Variants in REXO1 observed in about 807,000 individuals in gnomAD.
REXO1 encodes RNA exonuclease 1 homolog.
REXO1 carries 42 observed loss-of-function variants against 102.6 expected under a neutral mutation model. The ratio of observed to expected loss-of-function variants is 0.41; its 90% CI spans 0.32 to 0.53. The LOEUF (loss-of-function observed/expected upper bound fraction) is 0.53. Ranked by LOEUF, REXO1 falls within the 20% of genes least tolerant of loss-of-function variation. REXO1 has a pLI of 0.27. For synonymous variants in REXO1, 908 were observed against 779.1 expected (o/e 1.17, Z -2.76); for missense variants, 1,819 against 1,732.5 (o/e 1.05, Z -0.89).
At chr19:1,847,311 G>T (rs1014588858) in intron 1 of REXO1, among the ~76,000 whole-genome samples, 2 of 152,212 alleles carry the variant, frequency 1.3e-5, no homozygotes, top group African/African-American at 2.4e-5. Context: ...TGCAGGAAAA[G>T]GTTCTGAGCT....
intron 5 of REXO1, 113 bp from the exon 6 acceptor site, chr19:1,820,508 G>C: frequency 8.0e-7 from 1 of 1,254,026 alleles, no homozygotes; most frequent in Admixed American, 2.2e-5. Flanking sequence ...AGGTGCGCTG[G>C]GACAGATCAG....
Position 1,818,734 on chromosome 19 carries a change from G to C in REXO1, c.2874C>G (p.Phe958Leu). The C allele has an allele frequency of 6.2e-7, 1 of 1,611,208 alleles. No individual in the cohort carries two copies. Among genetic ancestry groups the C allele is most frequent in the Non-Finnish European group, 8.5e-7 (1 of 1,179,906 alleles). Reference protein sequence around the residue: ...HPERPGGAIIFTAEEKRPKDS... With the variant: ...HPERPGGAIILTAEEKRPKDS... ...CCTTGGGCCTCTTCTCCTCAGCTGT[G>C]AAGATGATTGCGCCCCCGGGCCGCT... The change falls in exon 9 of 16, where the codon TTC (phenylalanine) becomes TTG (leucine). Residue 958 changes from phenylalanine to leucine, a missense_variant. By Grantham distance (22) the Phe-to-Leu change is conservative. Transcript: ENST00000170168.
intron 1 of REXO1, among the ~76,000 whole-genome samples, chr19:1,835,547 C>T (rs2070015144): frequency 6.6e-6 from 1 of 152,124 alleles, no homozygotes; most frequent in African/African-American, 2.4e-5. Context: ...TACATGCATA[C>T]ACACATACAT....
intron 9 of REXO1, 22 bp from the exon 10 acceptor site, chr19:1,818,617 G>T (rs749506548): frequency 6.2e-7 from 1 of 1,608,132 alleles, no homozygotes; most frequent in Non-Finnish European, 8.5e-7. Context: ...GACCCAGGTG[G>T]AAGCTGAGGC....
intron 1 of REXO1, among the ~76,000 whole-genome samples, chr19:1,829,180 T>C (rs973582319): frequency 1.9e-4 from 29 of 151,848 alleles, no homozygotes; most frequent in Non-Finnish European, 2.2e-4. Flanking sequence ...TGCGGTGATG[T>C]GGCTGAGCAG....
chr19:1,820,450 G>C, intron 5 of REXO1, 55 bp from the exon 6 acceptor site: 1 of 1,600,784 alleles, frequency 6.2e-7, no homozygotes, highest in Non-Finnish European at 8.5e-7. Flanking sequence ...GCCTCCAGCG[G>C]GGAACGCAGA....
chr19:1,831,845 C>CAAAAAAAAAAAAAAAAAAAAAAAAAAA (rs745676775), intron 1 of REXO1, among the ~76,000 whole-genome samples: 1 of 51,320 alleles, frequency 1.9e-5, no homozygotes. Context: ...AACTCCATCT[C>CAAAAAAAAAAAAAAAAAAAAAAAAAAA]AAAAAAAAAA....
rs142028184 is a variant in REXO1 at position 1,816,789 on chromosome 19, G to T, written c.3226C>A (p.Leu1076Met). Residue 1076 changes from leucine to methionine, a missense_variant, in exon 13 of 16, where the codon CTG becomes ATG. Leu to Met is a conservative substitution (Grantham distance 15). Coordinates refer to ENST00000170168, the MANE Select transcript of REXO1 (RefSeq NM_020695.4). ...EMSYTTYGLE[L>M]TRVTVVDTDV... The stretch of plus-strand genomic sequence containing the variant: ...GTGTCGACCACCGTGACGCGCGTCA[G>T]CTCCAGGCCATATGTGGTGTAGGAC... 4 of 1,612,340 alleles carry T rather than the reference G, an allele frequency of 2.5e-6. No homozygotes were observed. The highest frequency in any genetic ancestry group is 2.5e-6 in the Non-Finnish European group (3 of 1,179,798).
At chr19:1,836,984 T>A (rs1170611645) in intron 1 of REXO1, among the ~76,000 whole-genome samples, 2 of 151,942 alleles carry the variant, frequency 1.3e-5, no homozygotes, top group African/African-American at 4.8e-5. Flanking sequence ...CACTGCGGCA[T>A]GAGATAAGCA....
chr19:1,831,823 C>T (rs1266685036), intron 1 of REXO1, among the ~76,000 whole-genome samples: 1 of 102,422 alleles, frequency 9.8e-6, no homozygotes, highest in Non-Finnish European at 1.8e-5. Flanking sequence ...CTATCCTGGG[C>T]AACAAGAGCA....
At position 1,818,485 on chromosome 19, in the gene REXO1, G is replaced by A. The variant is rs77403452; in HGVS notation, c.3013C>T (p.Arg1005Trp). The A allele has an allele frequency of 3.1e-4, 499 of 1,598,156 alleles. 4 individuals carry two copies. The East Asian group carries it at 8.4e-3, about 27-fold the overall frequency. ...YYHWGRLRRN[R>W]VAGGWETQYM... ...AAGGACCCGGGTAAGGCCTTACCCC[G>A]GTTCCGGCGCAGCCGTCCCCAGTGG... is the stretch of plus-strand genomic sequence containing the variant. The change falls in exon 10 of 16, where the codon CGG (arginine) becomes TGG (tryptophan). Residue 1005 changes from arginine to tryptophan, a missense_variant. Physicochemically the swap from Arg to Trp is moderately radical, Grantham distance 101 (BLOSUM62 -3). Coordinates refer to ENST00000170168, the MANE Select transcript of REXO1 (RefSeq NM_020695.4).
At position 1,817,101 on chromosome 19, in the gene REXO1, G is replaced by A. The variant is rs535050645; in HGVS notation, c.3201+118C>T. The stretch of plus-strand genomic sequence containing the variant: ...CAGGAGCCACAGGCACCGGTGCTGC[G>A]AGAGAAACCCTGAGCGCTGGCCGGT... On this transcript the variant is annotated intron_variant, in intron 12 of 15. Transcript: ENST00000170168. 1.9e-4 allele frequency: 246 copies of A among 1,262,594 alleles called. 1 individual carries two copies. The African/African-American group carries it at 2.5e-3, about 13-fold the overall frequency. The allele number at this position is 1,262,594 out of a possible 1,614,324, so 78.2% of individuals were successfully genotyped here. A position where few individuals can be genotyped will look rare whatever the true frequency, so the allele number is the denominator to read the frequency against.
rs1326478292 is a variant in REXO1, at chr19:1,821,571, T to C, written c.2342A>G (p.Lys781Arg). The change falls in exon 5 of 16, where the codon AAG becomes AGG. Residue 781 changes from lysine to arginine, a missense_variant. Coordinates refer to ENST00000170168, the MANE Select transcript of REXO1 (RefSeq NM_020695.4). ...KTRTLSGMASKTTTTIIPKRI... is the reference protein window; with the variant it reads ...KTRTLSGMASRTTTTIIPKRI... Reference sequence around the variant, plus strand: ...CTTAGGGATGATGGTGGTGGTAGTCTTGGACGCCATCCCCGACAATGTGCG... The same window carrying C: ...CTTAGGGATGATGGTGGTGGTAGTCCTGGACGCCATCCCCGACAATGTGCG... 31 of 1,613,754 alleles carry C rather than the reference T, an allele frequency of 1.9e-5. No homozygotes were observed. Among genetic ancestry groups the C allele is most frequent in the Non-Finnish European group, 2.5e-5 (30 of 1,179,892 alleles).
chr19:1,846,552 T>G (rs577220942), intron 1 of REXO1, among the ~76,000 whole-genome samples: 1 of 152,158 alleles, frequency 6.6e-6, no homozygotes, highest in Admixed American at 6.5e-5. Flanking sequence ...AAAATAAGCC[T>G]TTGGGAAACA....
chr19:1,831,451 T>TGTGG, intron 1 of REXO1, among the ~76,000 whole-genome samples: 1 of 151,772 alleles, frequency 6.6e-6, no homozygotes, highest in African/African-American at 2.4e-5. Context: ...GCACAAGACC[T>TGTGG]CCCACTGTGG....
chr19:1,815,948 T>C lies in REXO1; in HGVS notation c.*118A>G, dbSNP rs1466808208. ...TCTGGCCGCCAGCTCATCCCGCTGCTCTGGGCTGCCTCGGCCAGGTGGACG... is the reference window on the plus strand; with the variant it reads ...TCTGGCCGCCAGCTCATCCCGCTGCCCTGGGCTGCCTCGGCCAGGTGGACG... On this transcript the variant is annotated 3_prime_UTR_variant, in exon 16 of 16. Coordinates refer to ENST00000170168, the MANE Select transcript of REXO1 (RefSeq NM_020695.4). The surrounding 1 kb of genome is among the most constrained non-coding windows in gnomAD (Gnocchi z 4.0). 4 of 1,535,188 alleles carry C rather than the reference T, an allele frequency of 2.6e-6. No individual in the cohort carries two copies. Among genetic ancestry groups the C allele is most frequent in the Non-Finnish European group, 3.5e-6 (4 of 1,146,586 alleles).
chr19:1,820,172 C>A, intron 6 of REXO1, 92 bp downstream of exon 6: 1 of 1,560,050 alleles, frequency 6.4e-7, no homozygotes, highest in Non-Finnish European at 8.7e-7. Flanking sequence ...CTCCGGGTCA[C>A]AGCTGCGGCT....
chr19:1,815,582 A>G lies in REXO1; in HGVS notation c.*484T>C. 1 of 765,098 alleles carries G rather than the reference A, an allele frequency of 1.3e-6. No individual in the cohort carries two copies. The highest frequency in any genetic ancestry group is 2.2e-5 in the South Asian group (1 of 45,690). The allele number at this position is 765,098 out of a possible 1,614,324, so 47.4% of individuals were successfully genotyped here. On this transcript the variant is annotated 3_prime_UTR_variant, in exon 16 of 16. Transcript: ENST00000170168. The surrounding 1 kb of genome is among the most constrained non-coding windows in gnomAD (Gnocchi z 4.0). Reference sequence around the variant, plus strand: ...ACCCCCACCCCGCAGGAGGGAAGGCAGCAGGCCCGCTCTTCCCGGTGGGAA... The same window carrying G: ...ACCCCCACCCCGCAGGAGGGAAGGCGGCAGGCCCGCTCTTCCCGGTGGGAA...
chr19:1,817,802 A>G, intron 10 of REXO1, 22 bp from the exon 11 acceptor site: 1 of 1,605,402 alleles, frequency 6.2e-7, no homozygotes, highest in Admixed American at 1.7e-5. Context: ...ACAGACACAC[A>G]GTCAGGGCCC....
Sources: gnomAD v4.1 joint callset for allele counts (sites outside exome capture counted in the v4.1 genomes callset) on GRCh38, gnomAD v4.1.1 for gene constraint, Gnocchi (gnomAD v3.1) non-coding constraint, MANE v1.5 for transcripts, NCBI Gene and HGNC (gene_info 2026-07-23, HGNC 2026-07-21) for gene names.